The following MCPH1 variants were observed in gnomAD, a reference collection of about 807,000 sequenced individuals.
MCPH1 encodes microcephalin 1, also known as microcephalin.
A neutral mutation model predicts 84.5 loss-of-function variants in MCPH1; 104 were observed. The ratio of observed to expected loss-of-function variants is 1.23; its 90% CI spans 1.05 to 1.45. MCPH1 has a LOEUF of 1.45. Among genes scored for constraint, MCPH1 ranks in the 40% most tolerant of loss-of-function variants. The pLI is 0.00. For missense variants in MCPH1, 1,498 were observed against 1,005.7 expected (o/e 1.49, Z -6.62); for synonymous variants, 514 against 366.8 (o/e 1.40, Z -4.58).
chr8:6,506,761 C>CA (rs1813805486), intron 12 of MCPH1, among the ~76,000 whole-genome samples: 1 of 148,634 alleles, frequency 6.7e-6, no homozygotes, highest in Non-Finnish European at 1.5e-5. Context: ...CATATTATCT[C>CA]AGGAACCAGA....
At chr8:6,579,298 C>A (rs1230686879) in intron 12 of MCPH1, among the ~76,000 whole-genome samples, 1 of 152,158 alleles carries the variant, frequency 6.6e-6, no homozygotes, top group Admixed American at 6.5e-5. Flanking sequence ...CTTTCCCGGT[C>A]CCCTTCTCCT....
Position 6,436,065 on chromosome 8 carries a change from C to T in MCPH1, c.339C>T (p.Pro113=). ...TTGCACAGCGTAAATGTATGCAGCC[C>T]AAAGATTTTAATTTTAAAACACCAG... The part of the protein sequence containing the change: ...LIKKKRKCMQ[P]KDFNFKTPEN... Residue 113 remains proline (P), a synonymous_variant, in exon 5 of 14, where the codon CCC becomes CCT. Transcript: ENST00000344683. 6.2e-7 allele frequency: 1 copy of T among 1,613,386 alleles called. No individual in the cohort carries two copies. The highest frequency in any genetic ancestry group is 8.5e-7 in the Non-Finnish European group (1 of 1,179,678).
intron 13 of MCPH1, among the ~76,000 whole-genome samples, chr8:6,640,059 C>CGTGTGTGTGTGTGTGT (rs147642349): frequency 1.5e-5 from 2 of 134,196 alleles, no homozygotes; most frequent in South Asian, 2.6e-4. Flanking sequence ...ATTTTAAACT[C>CGTGTGTGTGTGTGTGT]GTGTGTGTGT....
At chr8:6,580,749 G>A (rs1194594620) in intron 12 of MCPH1, among the ~76,000 whole-genome samples, 2 of 152,184 alleles carry the variant, frequency 1.3e-5, no homozygotes, top group African/African-American at 2.4e-5. Flanking sequence ...AGACCCAGGA[G>A]GCAGAAAGAC....
chr8:6,534,694 A>G (rs1820182852), intron 12 of MCPH1, among the ~76,000 whole-genome samples: 1 of 152,254 alleles, frequency 6.6e-6, no homozygotes, highest in African/African-American at 2.4e-5. Context: ...CAGGCCAGCA[A>G]CCATCTCTAT....
At chr8:6,564,768 A>C (rs1212085130) in intron 12 of MCPH1, among the ~76,000 whole-genome samples, 1 of 152,232 alleles carries the variant, frequency 6.6e-6, no homozygotes, top group Admixed American at 6.5e-5. Flanking sequence ...TGACTTTCTC[A>C]TCCTCAGAAA....
At chr8:6,591,864 T>G (rs1828482134) in intron 12 of MCPH1, among the ~76,000 whole-genome samples, 1 of 152,146 alleles carries the variant, frequency 6.6e-6, no homozygotes, top group Non-Finnish European at 1.5e-5. Context: ...TGAAAGTGAG[T>G]CTATCTATAT....
chr8:6,465,611 G>T (rs17611849), intron 9 of MCPH1, among the ~76,000 whole-genome samples: 1 of 152,264 alleles, frequency 6.6e-6, no homozygotes, highest in African/African-American at 2.4e-5. Flanking sequence ...GTGGCTGGAC[G>T]CATCTTCTGG....
rs766380921 is a variant in MCPH1 at position 6,409,276 on chromosome 8, C to G, written c.23-3C>G. 5.6e-6 allele frequency: 9 copies of G among 1,608,836 alleles called. No homozygotes were observed. In the African/African-American group the frequency reaches 9.4e-5, roughly 17 times the overall value. On this transcript the variant is annotated splice_polypyrimidine_tract_variant and splice_region_variant and intron_variant, in intron 1 of 13. Transcript: ENST00000344683. ...ATGTTTCATGTTCATATCTTGTTTT[C>G]AGATGTAGTGGCCTATGTTGAAGTG...
At chr8:6,611,456 C>T (rs920398725) in intron 12 of MCPH1, among the ~76,000 whole-genome samples, 6 of 152,142 alleles carry the variant, frequency 3.9e-5, no homozygotes, top group Non-Finnish European at 7.3e-5. Flanking sequence ...TCATCACAAA[C>T]GTTATTTTGA....
Position 6,640,059 on chromosome 8 carries a change from CGTGTGTGTGT to C in MCPH1, c.2453-2905_2453-2896del, listed in dbSNP as rs147642349. Reference sequence around the variant, plus strand: ...CGGCTGGCTTCTGCTATTTTAAACTCGTGTGTGTGTGTGTGTGTGTGTGTGTGTGTGTGTG... The same window carrying C: ...CGGCTGGCTTCTGCTATTTTAAACTCGTGTGTGTGTGTGTGTGTGTGTGTG... On this transcript the variant is annotated intron_variant, in intron 13 of 13. Coordinates refer to ENST00000344683, the MANE Select transcript of MCPH1 (RefSeq NM_024596.5). 3.5e-3 allele frequency among the ~76,000 whole-genome samples: 470 copies of C among 134,276 alleles called. 2 individuals are homozygous for C. The highest frequency in any genetic ancestry group is 8.6e-3 in the African/African-American group (306 of 35,672). The allele number at this position is 134,276 out of a possible 152,430, so 88.1% of individuals were successfully genotyped here.
chr8:6,575,657 C>T lies in MCPH1; in HGVS notation c.2215-45797C>T, dbSNP rs770105364. On this transcript the variant is annotated intron_variant, in intron 12 of 13. Transcript: ENST00000344683. ...GTCCTAAATGCCCTCAGCACGTGAC[C>T]GTCTTCGGAAGTAGGGCCATTGCAG... Among the ~76,000 whole-genome samples, 8 of 152,282 alleles carry T rather than the reference C, an allele frequency of 5.3e-5. No homozygotes were observed. In the South Asian group the frequency reaches 6.2e-4, roughly 12 times the overall value.
At chr8:6,602,551 C>G (rs1443025049) in intron 12 of MCPH1, among the ~76,000 whole-genome samples, 1 of 152,042 alleles carries the variant, frequency 6.6e-6, no homozygotes, top group Non-Finnish European at 1.5e-5. Flanking sequence ...GCTGTGCTCT[C>G]CCACTCAGAG....
chr8:6,527,076 C>T (rs1818474070), intron 12 of MCPH1, among the ~76,000 whole-genome samples: 1 of 152,144 alleles, frequency 6.6e-6, no homozygotes, highest in African/African-American at 2.4e-5. Flanking sequence ...GCTAAGTCCC[C>T]AAGGGCAAAG....
chr8:6,503,529 A>C (rs1812625350), intron 12 of MCPH1, among the ~76,000 whole-genome samples: 1 of 152,182 alleles, frequency 6.6e-6, no homozygotes, highest in Non-Finnish European at 1.5e-5. Flanking sequence ...AATTCTCCAC[A>C]GTCCTATTTG....
intron 12 of MCPH1, among the ~76,000 whole-genome samples, chr8:6,599,379 G>T (rs1269640988): frequency 1.3e-5 from 2 of 152,202 alleles, no homozygotes; most frequent in Non-Finnish European, 2.9e-5. Context: ...ACTGTTTAAA[G>T]CAGAGCGCGG....
In MCPH1 at chr8:6,439,025, G is replaced by C. The variant is rs781065159; in HGVS notation, c.509G>C (p.Ser170Thr). ...LIYTPTIEIN[S>T]RHHSAMEKRL... ...TATACTCCCACAATTGAAATTAATA[G>C]TAGGCACCACAGCGCAATGGAGAAG... Residue 170 changes from serine to threonine, a missense_variant, in exon 6 of 14, where the codon AGT (serine) becomes ACT (threonine). By Grantham distance (58) the Ser-to-Thr change is moderately conservative. Coordinates refer to ENST00000344683, the MANE Select transcript of MCPH1 (RefSeq NM_024596.5). The C allele has an allele frequency of 1.2e-6, 2 of 1,612,320 alleles. No homozygotes were observed. Among genetic ancestry groups the C allele is most frequent in the Non-Finnish European group, 1.7e-6 (2 of 1,178,674 alleles).
In MCPH1 at chr8:6,431,481, CTTAAT is replaced by C; in HGVS notation, c.234-11_234-7del. 6.3e-7 allele frequency: 1 copy of C among 1,597,404 alleles called. No homozygotes were observed. Among genetic ancestry groups the C allele is most frequent in the Non-Finnish European group, 8.6e-7 (1 of 1,165,320 alleles). On this transcript the variant is annotated splice_polypyrimidine_tract_variant and intron_variant, in intron 3 of 13. Coordinates refer to ENST00000344683, the MANE Select transcript of MCPH1 (RefSeq NM_024596.5). ...TAGAAGCAAATACTCATTAGACTAC[CTTAAT>C]TTAATTATACAGATGCAGGACAGCT...
intron 8 of MCPH1, among the ~76,000 whole-genome samples, chr8:6,454,003 C>T (rs549566699): frequency 6.6e-6 from 1 of 152,178 alleles, no homozygotes; most frequent in Non-Finnish European, 1.5e-5. Flanking sequence ...TTTTATTCTA[C>T]ATCCTTTTTC....
Sources: gnomAD v4.1 joint callset for allele counts (sites outside exome capture counted in the v4.1 genomes callset) on GRCh38, gnomAD v4.1.1 for gene constraint, MANE v1.5 for transcripts, NCBI Gene and HGNC (gene_info 2026-07-23, HGNC 2026-07-21) for gene names.